Variants in PRSS23 observed in about 807,000 individuals in gnomAD.
PRSS23 encodes the protein serine protease 23.
In PRSS23, 25 loss-of-function variants were observed where a neutral mutation model predicts 34.7. That is an observed-to-expected ratio of 0.72 (90% CI 0.53 to 1.01). The LOEUF is 1.01. Among genes scored for constraint, PRSS23 ranks in the 50% least tolerant of loss-of-function variants. The pLI is 0.00. For synonymous variants in PRSS23, 176 were observed against 186.6 expected, an observed-to-expected ratio of 0.94 and a Z score of 0.46; for missense variants, 445 against 475.6, an observed-to-expected ratio of 0.94 and a Z score of 0.60.
At chr11:86,932,041 C>G (rs960569472) in intron 2 of PRSS23, among the ~76,000 whole-genome samples, 4 of 152,088 alleles carry the variant, frequency 2.6e-5, no homozygotes, top group African/African-American at 9.7e-5. Context: ...CTAACTTAAC[C>G]CCTATCAAAA....
At chr11:86,951,277 C>G in exon 3 of PRSS23, 3 of 1,614,226 alleles carry the variant, frequency 1.9e-6, no homozygotes, top group Non-Finnish European at 2.5e-6. Context: ...ACCAAATCCA[C>G]ATGCCTGAAG....
At chr11:86,825,232 G>A (rs2134879849) in intron 2 of PRSS23, among the ~76,000 whole-genome samples, 1 of 152,112 alleles carries the variant, frequency 6.6e-6, no homozygotes, top group East Asian at 1.9e-4. Flanking sequence ...GATGGCCAGT[G>A]ATGGTGAGCA....
At chr11:86,951,034 C>A (rs952963687) in intron 2 of PRSS23, 3 of 1,204,162 alleles carry the variant, frequency 2.5e-6, no homozygotes, top group Non-Finnish European at 2.5e-6. Context: ...TTAATTGTTG[C>A]TAGTTTGTTC....
intron 2 of PRSS23, chr11:86,909,095 G>A (rs1948961831): frequency 6.6e-6 from 1 of 151,858 alleles, no homozygotes; most frequent in African/African-American, 2.4e-5. Context: ...ACCATGTAAT[G>A]TCAGCTGTCA....
At chr11:86,897,641 T>C (rs1471357834) in intron 2 of PRSS23, among the ~76,000 whole-genome samples, 1 of 151,012 alleles carries the variant, frequency 6.6e-6, no homozygotes, top group Non-Finnish European at 1.5e-5. Context: ...TAGTTTTTTT[T>C]TGTTTGTTTG....
intron 2 of PRSS23, among the ~76,000 whole-genome samples, chr11:86,945,251 C>T (rs1949233158): frequency 6.6e-6 from 1 of 151,764 alleles, no homozygotes; most frequent in African/African-American, 2.4e-5. Flanking sequence ...CCTTTCCCTT[C>T]CCTTTTTTAA....
At chr11:86,838,732 A>G (rs970958262) in intron 2 of PRSS23, among the ~76,000 whole-genome samples, 2 of 152,136 alleles carry the variant, frequency 1.3e-5, no homozygotes, top group African/African-American at 4.8e-5. Flanking sequence ...GGGAGCAAAG[A>G]CACCTCAAAC....
At chr11:86,833,853 G>A (rs1948380852) in intron 2 of PRSS23, among the ~76,000 whole-genome samples, 1 of 152,104 alleles carries the variant, frequency 6.6e-6, no homozygotes, top group East Asian at 1.9e-4. Context: ...TGGGGAGGTT[G>A]GCCGACTGAC....
chr11:86,860,969 C>T (rs1948608999), intron 2 of PRSS23, among the ~76,000 whole-genome samples: 1 of 151,728 alleles, frequency 6.6e-6, no homozygotes, highest in African/African-American at 2.4e-5. Flanking sequence ...GGGAAGTACA[C>T]CCTCCTGTGA....
intron 2 of PRSS23, among the ~76,000 whole-genome samples, chr11:86,842,157 C>T (rs1201345014): frequency 1.3e-5 from 2 of 152,134 alleles, no homozygotes; most frequent in Non-Finnish European, 2.9e-5. Context: ...TAATCCATCA[C>T]ATAAAGAGAA....
At chr11:86,843,743 A>G (rs1948465807) in intron 2 of PRSS23, among the ~76,000 whole-genome samples, 1 of 152,170 alleles carries the variant, frequency 6.6e-6, no homozygotes, top group Non-Finnish European at 1.5e-5. Context: ...TTAGAATGGT[A>G]ATCATTAAAA....
At chr11:86,940,126 G>C (rs1182003266) in intron 2 of PRSS23, among the ~76,000 whole-genome samples, 2 of 152,070 alleles carry the variant, frequency 1.3e-5, no homozygotes, top group African/African-American at 4.8e-5. Flanking sequence ...ACAACTAAAT[G>C]CTACCCTCTC....
chr11:86,938,149 C>T (rs1408382643), intron 2 of PRSS23, among the ~76,000 whole-genome samples: 1 of 152,204 alleles, frequency 6.6e-6, no homozygotes, highest in Non-Finnish European at 1.5e-5. Context: ...TGTCAGTGAA[C>T]ATTTGTCGAG....
intron 2 of PRSS23, among the ~76,000 whole-genome samples, chr11:86,826,806 C>T (rs1260792866): frequency 3.9e-5 from 6 of 152,092 alleles, no homozygotes; most frequent in East Asian, 1.9e-4. Context: ...TATTGATTTG[C>T]GTATACTGAA....
intron 2 of PRSS23, among the ~76,000 whole-genome samples, chr11:86,852,086 T>G (rs1489755720): frequency 6.6e-6 from 1 of 152,110 alleles, no homozygotes; most frequent in African/African-American, 2.4e-5. Flanking sequence ...CAACCATCCC[T>G]CAGCACTCAC....
chr11:86,911,999 A>C (rs1948981449), intron 2 of PRSS23: 1 of 151,462 alleles, frequency 6.6e-6, no homozygotes, highest in Non-Finnish European at 1.5e-5. Context: ...CTGGTCTTGA[A>C]CTCCTGGGCT....
At chr11:86,903,481 C>CTTTTTT (rs10688682) in intron 2 of PRSS23, among the ~76,000 whole-genome samples, 3 of 124,962 alleles carry the variant, frequency 2.4e-5, no homozygotes, top group Non-Finnish European at 1.6e-5. Context: ...AACATACAAT[C>CTTTTTT]TTTTTTTTTT....
At chr11:86,877,112 G>C (rs1053176637) in intron 2 of PRSS23, among the ~76,000 whole-genome samples, 1 of 152,190 alleles carries the variant, frequency 6.6e-6, no homozygotes, top group African/African-American at 2.4e-5. Context: ...CAGTATAAGT[G>C]TTTAGCCCTC....
chr11:86,832,515 A>G, intron 2 of PRSS23: 1 of 282,834 alleles, frequency 3.5e-6, no homozygotes, highest in South Asian at 3.8e-5. Flanking sequence ...CAGATAATAA[A>G]ATAATGAGAT....
Sources: allele counts gnomAD v4.1 joint callset (sites outside exome capture counted in the v4.1 genomes callset), GRCh38; gene constraint gnomAD v4.1.1; transcripts MANE v1.5; gene names NCBI Gene and HGNC (gene_info 2026-07-23, HGNC 2026-07-21).